MACROD2: variants seen among roughly 807,000 people sequenced by gnomAD.
MACROD2 encodes the protein mono-ADP ribosylhydrolase 2, also known as ADP-ribose glycohydrolase MACROD2.
A neutral mutation model predicts 70.4 loss-of-function variants in MACROD2; 36 were observed. The observed-to-expected ratio is 0.51, with a 90% CI of 0.39 to 0.68. MACROD2 has a LOEUF of 0.68. MACROD2 is among the 30% of genes least tolerant of loss of function. The pLI, the probability that MACROD2 is intolerant of heterozygous loss-of-function variation, is 0.00. For synonymous variants in MACROD2, 172 were observed against 178.8 expected, an observed-to-expected ratio of 0.96 and a Z score of 0.30; for missense variants, 496 against 538.4, an observed-to-expected ratio of 0.92 and a Z score of 0.78.
chr20:14,524,862 C>T (rs1164623682), intron 4 of MACROD2, among the ~76,000 whole-genome samples: 1 of 152,166 alleles, frequency 6.6e-6, no homozygotes, highest in Non-Finnish European at 1.5e-5. Flanking sequence ...CCTGCTTCCT[C>T]ACTTGCCTCA....
chr20:14,202,472 A>C (rs931712495), intron 3 of MACROD2, among the ~76,000 whole-genome samples: 6 of 152,214 alleles, frequency 3.9e-5, no homozygotes, highest in Admixed American at 1.3e-4. Flanking sequence ...TTTCATTAAA[A>C]AATAATTGCA....
At chr20:14,960,209 T>A (rs1568898402) in intron 5 of MACROD2, among the ~76,000 whole-genome samples, 1 of 152,178 alleles carries the variant, frequency 6.6e-6, no homozygotes, top group Non-Finnish European at 1.5e-5. Flanking sequence ...CACCCTTGGC[T>A]GGGAAACTTT....
At chr20:14,992,513 A>G (rs1209810709) in intron 5 of MACROD2, among the ~76,000 whole-genome samples, 1 of 152,200 alleles carries the variant, frequency 6.6e-6, no homozygotes, top group Non-Finnish European at 1.5e-5. Flanking sequence ...GTAGGTTGAC[A>G]TTAGGGGCTG....
At chr20:15,671,093 G>A (rs1367367172) in intron 8 of MACROD2, among the ~76,000 whole-genome samples, 1 of 152,184 alleles carries the variant, frequency 6.6e-6, no homozygotes, top group Non-Finnish European at 1.5e-5. Context: ...TCATGCAATG[G>A]TTGTCAGCCA....
chr20:14,962,541 CTT>C (rs1236070993), intron 5 of MACROD2, among the ~76,000 whole-genome samples: 3 of 142,600 alleles, frequency 2.1e-5, no homozygotes, highest in Admixed American at 1.4e-4. Context: ...CTCTCTCTCT[CTT>C]TCTCTCTGTC....
intron 3 of MACROD2, among the ~76,000 whole-genome samples, chr20:14,397,356 A>G (rs1327551116): frequency 6.6e-6 from 1 of 152,176 alleles, no homozygotes. Flanking sequence ...TGTTTGTTTT[A>G]TATTGTTGGC....
At chr20:15,276,292 C>T (rs1007904542) in intron 6 of MACROD2, among the ~76,000 whole-genome samples, 2 of 151,164 alleles carry the variant, frequency 1.3e-5, no homozygotes, top group African/African-American at 2.4e-5. Context: ...CCCGGCTACT[C>T]GGGAGGCTGA....
intron 3 of MACROD2, among the ~76,000 whole-genome samples, chr20:14,211,780 C>T (rs1424194625): frequency 6.6e-6 from 1 of 152,118 alleles, no homozygotes; most frequent in East Asian, 1.9e-4. Flanking sequence ...AGGTACCACC[C>T]CTCACAAGGC....
At chr20:14,076,160 G>A (rs185504872) in intron 2 of MACROD2, among the ~76,000 whole-genome samples, 8 of 152,070 alleles carry the variant, frequency 5.3e-5, no homozygotes, top group East Asian at 1.9e-4. Context: ...GGCTATCTGC[G>A]TATTTGTTTG....
chr20:15,351,656 A>G (rs2078228209), intron 6 of MACROD2, among the ~76,000 whole-genome samples: 1 of 152,146 alleles, frequency 6.6e-6, no homozygotes, highest in Admixed American at 6.6e-5. Context: ...TCCTACTAGC[A>G]AATTATCAAC....
chr20:14,537,813 C>T (rs1011202432), intron 4 of MACROD2, among the ~76,000 whole-genome samples: 3 of 152,186 alleles, frequency 2.0e-5, no homozygotes, highest in East Asian at 1.9e-4. Context: ...CAGCATAGTC[C>T]GAAGGTAGAC....
chr20:15,592,036 ATC>A (rs1449033516), intron 8 of MACROD2, among the ~76,000 whole-genome samples: 7 of 152,274 alleles, frequency 4.6e-5, no homozygotes, highest in African/African-American at 1.7e-4. Flanking sequence ...CTCTTCCACC[ATC>A]TCGGTCAAGT....
At chr20:14,741,970 A>T (rs2071738318) in intron 5 of MACROD2, among the ~76,000 whole-genome samples, 1 of 152,156 alleles carries the variant, frequency 6.6e-6, no homozygotes, top group Non-Finnish European at 1.5e-5. Flanking sequence ...TATACCAGAC[A>T]TTTTTACTGT....
chr20:14,646,041 TAAGTTATAAGAAATACCATATATTAAATA>T (rs1985375408), intron 4 of MACROD2, among the ~76,000 whole-genome samples: 1 of 150,194 alleles, frequency 6.7e-6, no homozygotes, highest in African/African-American at 2.4e-5. Context: ...ATTAAATAAA[TAAGTTATAAGAAATACCATATATTAAATA>T]AATAAGTTAT....
intron 6 of MACROD2, among the ~76,000 whole-genome samples, chr20:15,372,083 G>A (rs1279097838): frequency 2.0e-5 from 3 of 152,148 alleles, no homozygotes; most frequent in Admixed American, 1.3e-4. Flanking sequence ...GCCTGATGCA[G>A]TTCTATATTA....
intron 3 of MACROD2, among the ~76,000 whole-genome samples, chr20:14,183,801 T>A (rs1321556797): frequency 6.6e-6 from 1 of 152,178 alleles, no homozygotes; most frequent in Non-Finnish European, 1.5e-5. Flanking sequence ...ATGTGGAGCT[T>A]TTTTCATATG....
chr20:15,796,072 A>T (rs1322734496), intron 8 of MACROD2, among the ~76,000 whole-genome samples: 2 of 152,148 alleles, frequency 1.3e-5, no homozygotes, highest in Non-Finnish European at 2.9e-5. Flanking sequence ...ACTGTGTTGC[A>T]CCCCAACACC....
chr20:15,476,182 A>G (rs1430156314), intron 7 of MACROD2, among the ~76,000 whole-genome samples: 1 of 152,240 alleles, frequency 6.6e-6, no homozygotes, highest in African/African-American at 2.4e-5. Context: ...TCTAGCAACT[A>G]TAAGATGCCA....
At chr20:15,537,066 C>G (rs1171569180) in intron 8 of MACROD2, among the ~76,000 whole-genome samples, 1 of 152,092 alleles carries the variant, frequency 6.6e-6, no homozygotes, top group East Asian at 1.9e-4. Context: ...AATTTTAGCT[C>G]CCATAATTCT....
Sources: allele counts gnomAD v4.1 joint callset (sites outside exome capture counted in the v4.1 genomes callset), GRCh38; gene constraint gnomAD v4.1.1; transcripts MANE v1.5; gene names NCBI Gene and HGNC (gene_info 2026-07-23, HGNC 2026-07-21).